SYN3: variants seen among roughly 807,000 people sequenced by gnomAD.
The protein encoded by SYN3 is synapsin-3.
In SYN3, 35 loss-of-function variants were observed where a neutral mutation model predicts 65.8. The observed-to-expected ratio is 0.53, with a 90% CI of 0.41 to 0.70. The LOEUF (loss-of-function observed/expected upper bound fraction) is 0.70. Ranked by LOEUF, SYN3 falls within the 30% of genes least tolerant of loss-of-function variation. The pLI is 0.00. For missense variants in SYN3, 680 were observed against 749.0 expected (o/e 0.91, Z 1.08); for synonymous variants, 270 against 292.9 (o/e 0.92, Z 0.80).
intron 6 of SYN3, among the ~76,000 whole-genome samples, chr22:32,840,358 C>T (rs939251495): frequency 6.6e-6 from 1 of 152,046 alleles, no homozygotes; most frequent in Non-Finnish European, 1.5e-5. Flanking sequence ...CTGGCCTTGG[C>T]GTTGACATCA....
rs1207233733 is a variant in SYN3 at position 32,777,013 on chromosome 22, C to T, written c.711+87902G>A. Among the ~76,000 whole-genome samples, 8 of 152,168 alleles carry T rather than the reference C, an allele frequency of 5.3e-5. No homozygotes were observed. The East Asian group carries it at 5.8e-4, about 11-fold the overall frequency. On this transcript the variant is annotated intron_variant, in intron 6 of 13. Transcript: ENST00000358763. ...CTCACAGCATGATCACTAGATGTCA[C>T]GTGAGTTCTTCAAGCCTGAATCCAG...
chr22:32,611,236 A>G (rs369814600), intron 6 of SYN3, among the ~76,000 whole-genome samples: 95 of 137,334 alleles, frequency 6.9e-4, no homozygotes, highest in African/African-American at 2.4e-3. Flanking sequence ...CCACTGTTGT[A>G]TCTTTGGCCA....
intron 6 of SYN3, among the ~76,000 whole-genome samples, chr22:32,658,465 C>T (rs1329698300): frequency 6.6e-6 from 1 of 152,204 alleles, no homozygotes; most frequent in Admixed American, 6.5e-5. Flanking sequence ...GCTGACCCTG[C>T]CTTGGCAGGT....
intron 6 of SYN3, chr22:32,859,380 G>T (rs373056570): frequency 6.2e-7 from 1 of 1,606,602 alleles, no homozygotes; most frequent in Middle Eastern, 1.7e-4. Flanking sequence ...ACCCCTGAGC[G>T]CCAGACCCTG....
rs545811535 is a variant in SYN3 at position 32,737,088 on chromosome 22, C to T, written c.711+127827G>A. ...GTGCTAAGTTCAAAATGTTCAGTGACGGTGTAGACCCAAAGGGCCAATTGG... is the reference window on the plus strand; with the variant it reads ...GTGCTAAGTTCAAAATGTTCAGTGATGGTGTAGACCCAAAGGGCCAATTGG... On this transcript the variant is annotated intron_variant, in intron 6 of 13. Transcript: ENST00000358763. Among the ~76,000 whole-genome samples the T allele has an allele frequency of 7.2e-5, 11 of 152,276 alleles. No individual in the cohort carries two copies. In the South Asian group the frequency reaches 8.3e-4, roughly 11 times the overall value.
At chr22:32,770,546 T>C (rs1415532244) in intron 6 of SYN3, among the ~76,000 whole-genome samples, 7 of 152,192 alleles carry the variant, frequency 4.6e-5, no homozygotes, top group Admixed American at 3.3e-4. Context: ...TTGCACTTGA[T>C]GTTCCCTTGT....
At position 32,518,057 on chromosome 22, in the gene SYN3, G is replaced by C; in HGVS notation, c.1596C>G (p.Pro532=). Reference sequence around the variant, plus strand: ...AAAGCACTTACTTGAGATGCGGATGGGGTGGTGCTGGCTTCTTGGACTCTT... The same window carrying C: ...AAAGCACTTACTTGAGATGCGGATGCGGTGGTGCTGGCTTCTTGGACTCTT... ...QGEESKKPAP[P]HPHLNKSQSL... is the part of the protein sequence containing the mutation. Residue 532 remains proline (P), a synonymous_variant, in exon 13 of 14, where the codon CCC becomes CCG. Transcript: ENST00000358763. The C allele has an allele frequency of 6.6e-7, 1 of 1,525,084 alleles. No homozygotes were observed. The highest frequency in any genetic ancestry group is 8.8e-7 in the Non-Finnish European group (1 of 1,138,856). The allele number at this position is 1,525,084 out of a possible 1,614,324, so 94.5% of individuals were successfully genotyped here. A position where few individuals can be genotyped will look rare whatever the true frequency, so the allele number is the denominator to read the frequency against.
At chr22:32,602,470 GT>G (rs1342746870) in intron 6 of SYN3, among the ~76,000 whole-genome samples, 1 of 152,054 alleles carries the variant, frequency 6.6e-6, no homozygotes, top group Non-Finnish European at 1.5e-5. Flanking sequence ...TTGTTTGTTT[GT>G]TTGTTTTTGG....
chr22:32,963,556 A>G (rs241764), intron 3 of SYN3, among the ~76,000 whole-genome samples: 47,958 of 151,972 alleles, frequency 0.32, 8,286 homozygotes, highest in East Asian at 0.74. Flanking sequence ...AGATGCATAG[A>G]TATTCATTAT....
intron 1 of SYN3, among the ~76,000 whole-genome samples, chr22:33,046,805 T>C (rs2054072524): frequency 7.2e-6 from 1 of 138,816 alleles, no homozygotes; most frequent in Non-Finnish European, 1.5e-5. Context: ...ACCACACCAC[T>C]GCACTCCAGC....
chr22:32,880,013 C>G (rs1395570459), intron 4 of SYN3, among the ~76,000 whole-genome samples: 1 of 152,172 alleles, frequency 6.6e-6, no homozygotes, highest in Non-Finnish European at 1.5e-5. Flanking sequence ...TATGTGACCC[C>G]TGGGGGACCT....
chr22:32,757,057 T>TGGGG (rs112462843), intron 6 of SYN3, among the ~76,000 whole-genome samples: 1 of 148,450 alleles, frequency 6.7e-6, no homozygotes, highest in East Asian at 2.0e-4. Flanking sequence ...CACTTTTTTT[T>TGGGG]GAGGGGGGGT....
chr22:32,769,841 G>A (rs910867805), intron 6 of SYN3, among the ~76,000 whole-genome samples: 1 of 152,030 alleles, frequency 6.6e-6, no homozygotes, highest in African/African-American at 2.4e-5. Flanking sequence ...AAACACTGTA[G>A]CACTCCTGGC....
At chr22:32,827,490 G>A (rs146435032) in intron 6 of SYN3, among the ~76,000 whole-genome samples, 395 of 152,198 alleles carry the variant, frequency 2.6e-3, no homozygotes, top group African/African-American at 8.6e-3. Flanking sequence ...ACCTCCTCCC[G>A]TACCTCTGGG....
chr22:32,730,537 T>G (rs1321203387), intron 6 of SYN3, among the ~76,000 whole-genome samples: 2 of 152,198 alleles, frequency 1.3e-5, no homozygotes, highest in Admixed American at 6.5e-5. Context: ...TCAAGAGGAT[T>G]CTGGTCTAAG....
At chr22:33,022,093 A>G (rs2053570234) in intron 1 of SYN3, among the ~76,000 whole-genome samples, 1 of 152,202 alleles carries the variant, frequency 6.6e-6, no homozygotes, top group Non-Finnish European at 1.5e-5. Context: ...AATGCAAAGG[A>G]CTGACTGATT....
intron 3 of SYN3, 93 bp from the exon 4 acceptor site, chr22:32,931,574 C>T (rs1246094464): frequency 1.2e-6 from 1 of 833,636 alleles, no homozygotes; most frequent in East Asian, 2.5e-5. Context: ...GTACAAAGTA[C>T]ACCTTTAAAG....
At chr22:32,853,073 ACTTC>A (rs1418564698) in intron 6 of SYN3, among the ~76,000 whole-genome samples, 3 of 152,144 alleles carry the variant, frequency 2.0e-5, no homozygotes, top group Non-Finnish European at 4.4e-5. Flanking sequence ...ACCTCCAGGG[ACTTC>A]CTTCCTTTAG....
intron 7 of SYN3, among the ~76,000 whole-genome samples, chr22:32,552,316 A>G (rs1275370547): frequency 6.6e-6 from 1 of 152,154 alleles, no homozygotes; most frequent in Non-Finnish European, 1.5e-5. Context: ...TGAGAATTAG[A>G]TCTGAAAAAA....
Sources: gnomAD v4.1 joint callset for allele counts (sites outside exome capture counted in the v4.1 genomes callset) on GRCh38, gnomAD v4.1.1 for gene constraint, MANE v1.5 for transcripts, NCBI Gene and HGNC (gene_info 2026-07-23, HGNC 2026-07-21) for gene names.